FBXO4: variants seen among roughly 807,000 people sequenced by gnomAD.
FBXO4 encodes F-box protein 4, also known as F-box only protein 4.
In FBXO4, 36 loss-of-function variants were observed where a neutral mutation model predicts 43.7. That is an observed-to-expected ratio of 0.82 (90% CI 0.63 to 1.09). The LOEUF (loss-of-function observed/expected upper bound fraction) is 1.09. Among genes scored for constraint, FBXO4 ranks in the 50% least tolerant of loss-of-function variants. The pLI is 0.00. For synonymous variants in FBXO4, 180 were observed against 165.6 expected, an observed-to-expected ratio of 1.09 and a Z score of -0.67; for missense variants, 435 against 474.1, an observed-to-expected ratio of 0.92 and a Z score of 0.77.
chr5:42,007,468 A>G, the FBXO4 span, among the ~76,000 whole-genome samples: 766 of 152,210 alleles, frequency 5.0e-3, 6 homozygotes, highest in African/African-American at 0.018. Context: ...TATTCTTTCT[A>G]TTTCTTAGAC....
the FBXO4 span, among the ~76,000 whole-genome samples, chr5:41,988,827 T>TCA: frequency 2.6e-5 from 4 of 152,174 alleles, no homozygotes; most frequent in Non-Finnish European, 5.9e-5. Context: ...TTACACTGCT[T>TCA]CACCAAAACT....
At chr5:41,938,241 A>C (rs1280781120) in intron 5 of FBXO4, among the ~76,000 whole-genome samples, 1 of 152,244 alleles carries the variant, frequency 6.6e-6, no homozygotes, top group Non-Finnish European at 1.5e-5. Context: ...AGAACATTTA[A>C]GTATATTATA....
At position 41,934,248 on chromosome 5, in the gene FBXO4, CAA is replaced by C. The variant is rs1561170436; in HGVS notation, c.842_843del (p.Lys281SerfsTer3). ...GSRYSVIPQI[Q>X]KVCEVVDGFI... is the part of the protein sequence containing the mutation. ...CCGGTACAGTGTGATTCCACAGATT[CAA>C]AAAGTGTGTGAAGTTGTAGATGGGT... On this transcript the variant is annotated frameshift_variant, in exon 5 of 7. Coordinates refer to ENST00000281623, the MANE Select transcript of FBXO4 (RefSeq NM_012176.3). LOFTEE classifies it high-confidence loss of function. The C allele has an allele frequency of 5.6e-6, 9 of 1,614,096 alleles. No homozygotes were observed. The highest frequency in any genetic ancestry group is 7.6e-6 in the Non-Finnish European group (9 of 1,179,998).
chr5:41,948,585 T>C, the FBXO4 span, among the ~76,000 whole-genome samples: 21 of 151,980 alleles, frequency 1.4e-4, no homozygotes, highest in Non-Finnish European at 3.1e-4. Flanking sequence ...CCTTTGGTGA[T>C]ACCGTTGTCA....
chr5:41,957,747 C>G, the FBXO4 span, among the ~76,000 whole-genome samples: 57 of 151,902 alleles, frequency 3.8e-4, 4 homozygotes, highest in Middle Eastern at 0.037. Context: ...TTGACTTTTT[C>G]CTCTCTTGAC....
the FBXO4 span, among the ~76,000 whole-genome samples, chr5:42,031,575 A>G: frequency 1.3e-5 from 2 of 151,768 alleles, no homozygotes; most frequent in Non-Finnish European, 2.9e-5. Flanking sequence ...AAACCTGCAC[A>G]TTGTGCACAT....
the FBXO4 span, among the ~76,000 whole-genome samples, chr5:41,972,999 G>A: frequency 6.6e-6 from 1 of 152,146 alleles, no homozygotes; most frequent in African/African-American, 2.4e-5. Flanking sequence ...TCTCATTCTG[G>A]TCATATGCCT....
chr5:41,977,801 A>G, the FBXO4 span, among the ~76,000 whole-genome samples: 1 of 152,126 alleles, frequency 6.6e-6, no homozygotes, highest in Non-Finnish European at 1.5e-5. Context: ...AAATATTCCA[A>G]ACTTTTCCTC....
At chr5:41,991,631 A>G in the FBXO4 span, among the ~76,000 whole-genome samples, 1 of 152,124 alleles carries the variant, frequency 6.6e-6, no homozygotes, top group Non-Finnish European at 1.5e-5. Context: ...GTATATTTCC[A>G]CTATTGTAAA....
At chr5:41,967,744 A>C in the FBXO4 span, 3 of 617,564 alleles carry the variant, frequency 4.9e-6, no homozygotes, top group African/African-American at 1.8e-5. Context: ...CTTATCTGGA[A>C]AAACAGAATT....
At chr5:41,931,480 T>C (rs1339577609) in intron 3 of FBXO4, among the ~76,000 whole-genome samples, 1 of 152,250 alleles carries the variant, frequency 6.6e-6, no homozygotes, top group Non-Finnish European at 1.5e-5. Flanking sequence ...TTGGAATATG[T>C]TGACTTTGAT....
At chr5:41,958,791 G>A in the FBXO4 span, among the ~76,000 whole-genome samples, 1 of 151,910 alleles carries the variant, frequency 6.6e-6, no homozygotes, top group African/African-American at 2.4e-5. Flanking sequence ...TTTTAAATTC[G>A]TTTATCTGTT....
the FBXO4 span, among the ~76,000 whole-genome samples, chr5:41,986,216 C>T: frequency 6.6e-6 from 1 of 151,900 alleles, no homozygotes; most frequent in Non-Finnish European, 1.5e-5. Context: ...ATATAAAAGC[C>T]CTCATTTCAC....
At chr5:41,989,846 G>T in the FBXO4 span, among the ~76,000 whole-genome samples, 1 of 152,084 alleles carries the variant, frequency 6.6e-6, no homozygotes, top group Non-Finnish European at 1.5e-5. Context: ...TAATTATGAA[G>T]CATATTATTG....
intron 3 of FBXO4, chr5:41,930,163 G>T (rs535684541): frequency 4.6e-6 from 2 of 435,706 alleles, no homozygotes; most frequent in South Asian, 8.4e-5. Context: ...ATTATTTGTT[G>T]TCAAGATGTT....
the FBXO4 span, among the ~76,000 whole-genome samples, chr5:41,969,799 A>G: frequency 6.6e-6 from 1 of 152,150 alleles, no homozygotes; most frequent in African/African-American, 2.4e-5. Context: ...TGTCTTACAC[A>G]CACACAAAAA....
At chr5:41,989,111 T>C in the FBXO4 span, among the ~76,000 whole-genome samples, 5 of 152,184 alleles carry the variant, frequency 3.3e-5, no homozygotes, top group African/African-American at 1.2e-4. Flanking sequence ...ACGGCCACAA[T>C]GATGTTAATA....
chr5:41,955,917 T>C, the FBXO4 span, among the ~76,000 whole-genome samples: 2 of 152,170 alleles, frequency 1.3e-5, no homozygotes, highest in African/African-American at 4.8e-5. Context: ...AACTCTAGAC[T>C]CAATACTGCT....
At chr5:41,961,815 A>G in the FBXO4 span, among the ~76,000 whole-genome samples, 2 of 152,274 alleles carry the variant, frequency 1.3e-5, no homozygotes, top group South Asian at 2.1e-4. Context: ...GCGTTCCTGG[A>G]CAAGAACAGC....
Sources: gnomAD v4.1 joint callset for allele counts (sites outside exome capture counted in the v4.1 genomes callset) on GRCh38, gnomAD v4.1.1 for gene constraint, MANE v1.5 for transcripts, NCBI Gene and HGNC (gene_info 2026-07-23, HGNC 2026-07-21) for gene names.